SOX5: variants seen among roughly 807,000 people sequenced by gnomAD.
SOX5 encodes the protein transcription factor SOX-5.
In SOX5, 9 loss-of-function variants were observed where a neutral mutation model predicts 92.0. That is an observed-to-expected ratio of 0.10 (90% CI 0.06 to 0.17). The LOEUF is 0.17. Ranked by LOEUF, SOX5 falls within the 10% of genes least tolerant of loss-of-function variation. The probability of loss-of-function intolerance (pLI) is 1.00; values close to 1 mark genes in which losing one functional copy is unlikely to be tolerated. For synonymous variants in SOX5, 344 were observed against 336.3 expected (o/e 1.02, Z -0.25); for missense variants, 642 against 944.5 (o/e 0.68, Z 4.20).
At chr12:23,774,988 A>G (rs1357513402) in intron 3 of SOX5, among the ~76,000 whole-genome samples, 2 of 152,158 alleles carry the variant, frequency 1.3e-5, no homozygotes, top group Non-Finnish European at 2.9e-5. Flanking sequence ...TATGTATGCA[A>G]AATAGAATTT....
intron 1 of SOX5, among the ~76,000 whole-genome samples, chr12:24,542,684 T>C (rs1800072863): frequency 6.6e-6 from 1 of 152,198 alleles, no homozygotes; most frequent in African/African-American, 2.4e-5. Flanking sequence ...TATGACATAA[T>C]TAGGGAAATA....
At chr12:23,996,954 G>A (rs964618118) in intron 4 of SOX5, among the ~76,000 whole-genome samples, 2 of 152,106 alleles carry the variant, frequency 1.3e-5, no homozygotes, top group African/African-American at 4.8e-5. Flanking sequence ...ACTTTAAAAT[G>A]GCTAATTTTT....
intron 4 of SOX5, among the ~76,000 whole-genome samples, chr12:23,966,714 C>G (rs971782460): frequency 3.1e-4 from 47 of 152,244 alleles, no homozygotes; most frequent in African/African-American, 1.0e-3. Flanking sequence ...CTTCAGTTGC[C>G]TCCTTTGTAA....
intron 1 of SOX5, among the ~76,000 whole-genome samples, chr12:24,434,233 A>G (rs1938967342): frequency 6.6e-6 from 1 of 152,188 alleles, no homozygotes; most frequent in South Asian, 2.1e-4. Context: ...GGAAGGAAAG[A>G]GAGAAACTGA....
At chr12:23,595,372 C>T (rs772042045) in intron 9 of SOX5, among the ~76,000 whole-genome samples, 1 of 151,990 alleles carries the variant, frequency 6.6e-6, no homozygotes, top group African/African-American at 2.4e-5. Flanking sequence ...CCTGTAATCC[C>T]AGCACTTTGG....
intron 4 of SOX5, among the ~76,000 whole-genome samples, chr12:24,204,588 C>G (rs771124130): frequency 1.6e-4 from 24 of 152,152 alleles, no homozygotes; most frequent in Admixed American, 4.6e-4. Context: ...CTCAGCCTCC[C>G]AAAGTGTTAA....
At chr12:23,995,612 T>C (rs1332432306) in intron 4 of SOX5, among the ~76,000 whole-genome samples, 1 of 152,120 alleles carries the variant, frequency 6.6e-6, no homozygotes. Flanking sequence ...GAGGGAGAAT[T>C]GCTTGAGACC....
intron 9 of SOX5, among the ~76,000 whole-genome samples, chr12:23,596,756 C>T (rs933609589): frequency 6.6e-6 from 1 of 152,104 alleles, no homozygotes; most frequent in Non-Finnish European, 1.5e-5. Flanking sequence ...GTCTCTGACA[C>T]AATAATGACT....
intron 6 of SOX5, among the ~76,000 whole-genome samples, chr12:23,689,031 T>C (rs1566988052): frequency 6.6e-6 from 1 of 152,184 alleles, no homozygotes. Context: ...CAAGCTAGTG[T>C]AAGCTCATTT....
chr12:24,404,525 C>T (rs1962479352), intron 1 of SOX5, among the ~76,000 whole-genome samples: 1 of 152,146 alleles, frequency 6.6e-6, no homozygotes, highest in Admixed American at 6.5e-5. Context: ...GATGGCACCA[C>T]CTGATGTCTA....
At chr12:23,669,588 G>C (rs1377219860) in intron 6 of SOX5, among the ~76,000 whole-genome samples, 1 of 151,390 alleles carries the variant, frequency 6.6e-6, no homozygotes, top group Non-Finnish European at 1.5e-5. Flanking sequence ...CAAGTGGGAA[G>C]TTAATATAAG....
At chr12:23,572,751 C>T (rs765616298) in intron 10 of SOX5, among the ~76,000 whole-genome samples, 1 of 152,102 alleles carries the variant, frequency 6.6e-6, no homozygotes. Flanking sequence ...TTACATAGTA[C>T]ATGAAAGTAA....
intron 2 of SOX5, among the ~76,000 whole-genome samples, chr12:24,287,354 C>T (rs1946003028): frequency 6.6e-6 from 1 of 152,086 alleles, no homozygotes; most frequent in African/African-American, 2.4e-5. Flanking sequence ...TTTTTCTCGT[C>T]TTTAAAATCT....
chr12:24,547,180 T>G lies in SOX5; in HGVS notation c.-251+15149A>C, dbSNP rs1193992562. On this transcript the variant is annotated intron_variant, in intron 1 of 4. Coordinates refer to the SOX5 transcript ENST00000446891. ...TGAGAAGTCAACTGATATCTAACAT[T>G]TTTTTTTTTTTTTTTTTTTTTTGAG... 9.8e-5 allele frequency among the ~76,000 whole-genome samples: 4 copies of G among 40,940 alleles called. No homozygotes were observed. In the East Asian group the frequency reaches 9.9e-4, roughly 10 times the overall value. 26.9% of individuals were successfully genotyped at this position (40,940 alleles called of 152,430 possible). A position where few individuals can be genotyped will look rare whatever the true frequency, so the allele number is the denominator to read the frequency against.
intron 4 of SOX5, among the ~76,000 whole-genome samples, chr12:23,992,772 C>T (rs994552000): frequency 5.3e-5 from 8 of 152,098 alleles, no homozygotes; most frequent in Non-Finnish European, 1.2e-4. Context: ...AGGGAAACTT[C>T]TTTTAATAGT....
At chr12:23,540,453 GT>G (rs1277680776) in intron 13 of SOX5, among the ~76,000 whole-genome samples, 4 of 151,470 alleles carry the variant, frequency 2.6e-5, no homozygotes, top group African/African-American at 9.7e-5. Context: ...AAAAGAGGAA[GT>G]TTCAATCAAA....
At chr12:23,937,233 T>C (rs1942773060) in intron 1 of SOX5, among the ~76,000 whole-genome samples, 1 of 150,944 alleles carries the variant, frequency 6.6e-6, no homozygotes, top group South Asian at 2.1e-4. Context: ...TTTTGCCTAC[T>C]CTAATGCTAA....
intron 2 of SOX5, among the ~76,000 whole-genome samples, chr12:23,855,708 A>T (rs1218346339): frequency 6.6e-6 from 1 of 152,088 alleles, no homozygotes; most frequent in Non-Finnish European, 1.5e-5. Flanking sequence ...TCAAGTACAA[A>T]TTCTCCATTT....
intron 2 of SOX5, among the ~76,000 whole-genome samples, chr12:24,281,865 G>A (rs542531998): frequency 6.6e-6 from 1 of 152,266 alleles, no homozygotes; most frequent in East Asian, 1.9e-4. Context: ...TGGTACTAAA[G>A]CAGATGCCAG....
Sources: gnomAD v4.1 joint callset for allele counts (sites outside exome capture counted in the v4.1 genomes callset) on GRCh38, gnomAD v4.1.1 for gene constraint, MANE v1.5 for transcripts, NCBI Gene and HGNC (gene_info 2026-07-23, HGNC 2026-07-21) for gene names.